The following GPHN variants were observed in gnomAD, a reference collection of about 807,000 sequenced individuals.
The protein encoded by GPHN is gephyrin.
A neutral mutation model predicts 95.5 loss-of-function variants in GPHN; 17 were observed. The observed-to-expected ratio is 0.18, with a 90% confidence interval of 0.12 to 0.27. The LOEUF is 0.27. Among genes scored for constraint, GPHN ranks in the 10% least tolerant of loss-of-function variants. The probability of loss-of-function intolerance (pLI) is 1.00; values close to 1 mark genes in which losing one functional copy is unlikely to be tolerated. For missense variants in GPHN, 660 were observed against 978.1 expected, an observed-to-expected ratio of 0.67 and a Z score of 4.34; for synonymous variants, 320 against 322.5, an observed-to-expected ratio of 0.99 and a Z score of 0.08.
intron 11 of GPHN, among the ~76,000 whole-genome samples, chr14:67,068,023 C>T (rs1203466084): frequency 6.6e-6 from 1 of 152,198 alleles, no homozygotes; most frequent in Non-Finnish European, 1.5e-5. Context: ...CAGAAATCAC[C>T]TGTCTTCTGC....
the GPHN span, among the ~76,000 whole-genome samples, chr14:67,665,019 C>A: frequency 3.3e-5 from 5 of 152,262 alleles, no homozygotes; most frequent in African/African-American, 1.2e-4. Context: ...GAGTGCACCA[C>A]CACAACCAGA....
intron 2 of GPHN, among the ~76,000 whole-genome samples, chr14:66,751,938 T>TAGCC (rs1242636384): frequency 1.3e-5 from 2 of 152,244 alleles, no homozygotes; most frequent in Non-Finnish European, 2.9e-5. Flanking sequence ...TTATATAGAA[T>TAGCC]AGCCACCTTC....
intron 5 of GPHN, among the ~76,000 whole-genome samples, chr14:66,896,801 A>G (rs775849778): frequency 6.6e-6 from 1 of 152,026 alleles, no homozygotes; most frequent in Non-Finnish European, 1.5e-5. Flanking sequence ...AAAAAAACAA[A>G]CAAACAAAAC....
At chr14:67,642,461 C>A in the GPHN span, 2 of 1,372,024 alleles carry the variant, frequency 1.5e-6, no homozygotes, top group Non-Finnish European at 2.0e-6. Flanking sequence ...GAGAAAAATA[C>A]CCTACAGAAT....
At chr14:66,732,226 C>T (rs889948883) in intron 2 of GPHN, among the ~76,000 whole-genome samples, 10 of 152,204 alleles carry the variant, frequency 6.6e-5, no homozygotes, top group African/African-American at 9.7e-5. Flanking sequence ...CCTCCAGACC[C>T]CAGAATGGTA....
chr14:66,633,358 G>A (rs190018525), intron 1 of GPHN, among the ~76,000 whole-genome samples: 1,841 of 152,160 alleles, frequency 0.012, 22 homozygotes, highest in Non-Finnish European at 0.018. Context: ...TCAACAAAAA[G>A]TGTTTTATTC....
intron 4 of GPHN, among the ~76,000 whole-genome samples, chr14:66,838,744 TTC>T (rs1180439595): frequency 6.6e-6 from 1 of 152,186 alleles, no homozygotes; most frequent in African/African-American, 2.4e-5. Context: ...GAATATGGAT[TTC>T]TCTCTCTGTG....
the GPHN span, chr14:67,376,559 G>A: frequency 6.2e-7 from 1 of 1,613,950 alleles, no homozygotes; most frequent in African/African-American, 1.3e-5. Flanking sequence ...ACCTGGATAT[G>A]GTGCCTATGA....
the GPHN span, among the ~76,000 whole-genome samples, chr14:67,266,878 G>A: frequency 6.6e-6 from 1 of 152,038 alleles, no homozygotes; most frequent in East Asian, 2.0e-4. Flanking sequence ...GGGAGGCCGA[G>A]GTGGACAGAT....
intron 5 of GPHN, among the ~76,000 whole-genome samples, chr14:66,908,239 A>G (rs2065481478): frequency 6.6e-6 from 1 of 152,010 alleles, no homozygotes; most frequent in South Asian, 2.1e-4. Flanking sequence ...TGAACCTGGT[A>G]TATCTCGTAG....
At chr14:66,840,450 T>C (rs866651625) in intron 4 of GPHN, among the ~76,000 whole-genome samples, 3 of 152,074 alleles carry the variant, frequency 2.0e-5, no homozygotes, top group Non-Finnish European at 4.4e-5. Flanking sequence ...TAAAATACTA[T>C]AGGACAGGGG....
intron 21 of GPHN, among the ~76,000 whole-genome samples, chr14:67,171,793 A>G (rs901779698): frequency 6.6e-5 from 10 of 152,200 alleles, no homozygotes; most frequent in African/African-American, 2.2e-4. Flanking sequence ...CACATCGAGA[A>G]CAGAAGGAAA....
the GPHN span, among the ~76,000 whole-genome samples, chr14:67,676,556 G>A: frequency 8.6e-5 from 13 of 151,976 alleles, no homozygotes; most frequent in African/African-American, 3.1e-4. Context: ...AAAGCAAGAC[G>A]CTGTCTCTAA....
the GPHN span, chr14:67,725,985 A>G: frequency 1.9e-6 from 2 of 1,039,786 alleles, no homozygotes; most frequent in Non-Finnish European, 3.0e-6. Flanking sequence ...GCAATTATGC[A>G]GGTCTGTTAC....
At chr14:67,511,522 A>C in the GPHN span, among the ~76,000 whole-genome samples, 1 of 151,992 alleles carries the variant, frequency 6.6e-6, no homozygotes, top group Admixed American at 6.6e-5. Context: ...AAAATATTAA[A>C]CTCCCTACTG....
the GPHN span, chr14:67,727,206 G>A: frequency 3.1e-6 from 5 of 1,601,678 alleles, no homozygotes; most frequent in Non-Finnish European, 4.3e-6. Flanking sequence ...TCTGGAGAAA[G>A]AGGAATAGCA....
the GPHN span, among the ~76,000 whole-genome samples, chr14:67,366,527 C>A: frequency 1.2e-4 from 19 of 152,034 alleles, no homozygotes; most frequent in Admixed American, 6.6e-5. Context: ...TAACTAAAAC[C>A]AGGAAATGAC....
chr14:66,544,019 A>G (rs1309305737), intron 1 of GPHN, among the ~76,000 whole-genome samples: 2 of 152,218 alleles, frequency 1.3e-5, no homozygotes, highest in African/African-American at 2.4e-5. Context: ...AAAAGGGCGT[A>G]TAGGATCTGA....
chr14:66,585,976 G>A (rs1702698680), intron 1 of GPHN, among the ~76,000 whole-genome samples: 1 of 152,070 alleles, frequency 6.6e-6, no homozygotes, highest in Admixed American at 6.6e-5. Context: ...TCTGTCTAAT[G>A]TTGACAGTGG....
Sources: gnomAD v4.1 joint callset for allele counts (sites outside exome capture counted in the v4.1 genomes callset) on GRCh38, gnomAD v4.1.1 for gene constraint, MANE v1.5 for transcripts, NCBI Gene and HGNC (gene_info 2026-07-23, HGNC 2026-07-21) for gene names.